The following CYLD variants were observed in gnomAD, a reference collection of about 807,000 sequenced individuals.
CYLD encodes CYLD lysine 63 deubiquitinase.
In CYLD, 26 loss-of-function variants were observed where a neutral mutation model predicts 104.5. That is an observed-to-expected ratio of 0.25 (90% CI 0.18 to 0.35). CYLD has a LOEUF of 0.35. Ranked by LOEUF, CYLD falls within the 10% of genes least tolerant of loss-of-function variation. The probability of loss-of-function intolerance (pLI) is 1.00; values close to 1 mark genes in which losing one functional copy is unlikely to be tolerated. For missense variants in CYLD, 703 were observed against 1,136.1 expected (o/e 0.62, Z 5.48); for synonymous variants, 385 against 399.9 (o/e 0.96, Z 0.45).
rs190938800 is a variant in CYLD, at chr16:50,756,514, A to G, written c.913+2090A>G. ...AGCAATCTTTTATTTTGCCTCTAAC[A>G]AGTAGCACCTAGTGTCTGCTGTCAG... is the stretch of plus-strand genomic sequence containing the variant. On this transcript the variant is annotated intron_variant, in intron 5 of 18. Transcript: ENST00000427738. Among the ~76,000 whole-genome samples the G allele has an allele frequency of 7.2e-5, 11 of 152,336 alleles. No individual in the cohort carries two copies. In the East Asian group the frequency reaches 1.3e-3, roughly 19 times the overall value.
chr16:50,754,435 T>A lies in CYLD; in HGVS notation c.913+11T>A. The A allele has an allele frequency of 6.4e-7, 1 of 1,561,900 alleles. No homozygotes were observed. Among genetic ancestry groups the A allele is most frequent in the Non-Finnish European group, 8.8e-7 (1 of 1,134,728 alleles). On this transcript the variant is annotated intron_variant, in intron 5 of 18. Transcript: ENST00000427738. ...ATGATATCATCCCAGGTATGTTTTCTTTGTTTTATACATTTATAAGGCAAA... is the reference window on the plus strand; with the variant it reads ...ATGATATCATCCCAGGTATGTTTTCATTGTTTTATACATTTATAAGGCAAA...
intron 12 of CYLD, chr16:50,784,655 CAT>C: frequency 1.9e-6 from 1 of 527,724 alleles, no homozygotes; most frequent in Non-Finnish European, 3.4e-6. Context: ...AGGTGTAGAA[CAT>C]AGCATATTCC....
intron 4 of CYLD, among the ~76,000 whole-genome samples, chr16:50,753,061 C>T (rs1370287934): frequency 6.6e-6 from 1 of 152,138 alleles, no homozygotes; most frequent in Admixed American, 6.6e-5. Context: ...TTTATCTGCT[C>T]AGGTATACTT....
At chr16:50,786,529 G>A (rs984977387) in intron 12 of CYLD, 110 of 264,976 alleles carry the variant, frequency 4.2e-4, no homozygotes, top group Non-Finnish European at 4.4e-5. Flanking sequence ...GGAGGCCGAG[G>A]TGGGCGGATC....
rs963432647 is a variant in CYLD, at chr16:50,797,582, C to A, written c.*1074C>A. The A allele has an allele frequency of 1.3e-5, 3 of 232,400 alleles. No individual in the cohort carries two copies. The highest frequency in any genetic ancestry group is 2.6e-5 in the Non-Finnish European group (3 of 117,574). The allele number at this position is 232,400 out of a possible 1,614,324, so 14.4% of individuals were successfully genotyped here. ...AGAAATGGGATGTTTTGTTTAATAA[C>A]AGCCATAGTGTGTGTTTAGACCACA... On this transcript the variant is annotated 3_prime_UTR_variant, in exon 19 of 19. Transcript: ENST00000427738.
rs117526077 is a variant in CYLD, at chr16:50,765,048, A to T, written c.914-10118A>T. Among the ~76,000 whole-genome samples, 8 of 152,360 alleles carry T rather than the reference A, an allele frequency of 5.3e-5. No individual in the cohort carries two copies. The East Asian group carries it at 1.4e-3, about 26-fold the overall frequency. ...ATGCTAATATTGTTTTTCCCAGAGT[A>T]ACATGGCTAAATGTAATTTCACTTG... is the stretch of plus-strand genomic sequence containing the variant. On this transcript the variant is annotated intron_variant, in intron 5 of 18. Transcript: ENST00000427738.
At chr16:50,793,514 T>G in intron 16 of CYLD, 32 bp from the exon 17 acceptor site, 3 of 1,430,724 alleles carry the variant, frequency 2.1e-6, no homozygotes, top group Non-Finnish European at 3.0e-6. Flanking sequence ...TTTAAAGTCC[T>G]CTTAACTTCC....
chr16:50,779,621 C>A (rs750006487), intron 8 of CYLD, 44 bp from the exon 9 acceptor site: 1 of 1,596,674 alleles, frequency 6.3e-7, no homozygotes. Context: ...AAGACAGAGT[C>A]AATATCCTTG....
intron 5 of CYLD, among the ~76,000 whole-genome samples, chr16:50,761,345 TGTAA>T (rs1305850929): frequency 6.6e-6 from 1 of 152,226 alleles, no homozygotes; most frequent in Non-Finnish European, 1.5e-5. Flanking sequence ...TATAATTCAG[TGTAA>T]GTATGTTTAC....
intron 2 of CYLD, 22 bp downstream of exon 2, chr16:50,742,863 C>A (rs900864960): frequency 3.4e-6 from 1 of 293,178 alleles, no homozygotes; most frequent in African/African-American, 3.1e-5. Flanking sequence ...TTATGTTTTT[C>A]TTTCATGTTA....
chr16:50,767,536 T>C (rs1968653229), intron 5 of CYLD, among the ~76,000 whole-genome samples: 1 of 152,078 alleles, frequency 6.6e-6, no homozygotes, highest in African/African-American at 2.4e-5. Flanking sequence ...AAAAGCATTT[T>C]AGATTGAAAG....
At chr16:50,742,282 C>A (rs1054397985) in intron 1 of CYLD, 158 bp downstream of exon 1, 1 of 150,960 alleles carries the variant, frequency 6.6e-6, no homozygotes. Context: ...AGCCGCCTGG[C>A]CTCAGGGCGT....
chr16:50,756,991 T>C (rs1967319949), intron 5 of CYLD, among the ~76,000 whole-genome samples: 2 of 152,160 alleles, frequency 1.3e-5, no homozygotes, highest in Non-Finnish European at 2.9e-5. Flanking sequence ...TACTTCTCAG[T>C]CTCACATGTA....
At chr16:50,761,166 T>A (rs1031182373) in intron 5 of CYLD, among the ~76,000 whole-genome samples, 2 of 152,214 alleles carry the variant, frequency 1.3e-5, no homozygotes, top group African/African-American at 4.8e-5. Context: ...CTTCATGTGT[T>A]AGGGTGGCAA....
rs1400536626 is a variant in CYLD, at chr16:50,799,540, T to C, written c.*3032T>C. ...TAAGGATTTTCTCCTTAGAATAATTTAGGATTTTTAAAAATTTCTGTTTGC... is the reference window on the plus strand; with the variant it reads ...TAAGGATTTTCTCCTTAGAATAATTCAGGATTTTTAAAAATTTCTGTTTGC... On this transcript the variant is annotated 3_prime_UTR_variant, in exon 19 of 19. Transcript: ENST00000427738. 4.3e-6 allele frequency: 1 copy of C among 233,618 alleles called. No individual in the cohort carries two copies. The highest frequency in any genetic ancestry group is 5.6e-5 in the Admixed American group (1 of 17,782). The allele number at this position is 233,618 out of a possible 1,614,324, so 14.5% of individuals were successfully genotyped here.
rs1966643155 is a variant in CYLD, at chr16:50,751,781, C to A, written c.682C>A (p.Pro228Thr). The stretch of plus-strand genomic sequence containing the variant: ...TGGGGACACAATGCAGGTCGAACTT[C>A]CTCCTTTGGAAATAAACTCCAGAGT... ...GPGDTMQVEL[P>T]PLEINSRVSL... Residue 228 changes from proline to threonine, a missense_variant, in exon 4 of 19, where the codon CCT (proline) becomes ACT (threonine). By Grantham distance (38) the Pro-to-Thr change is conservative. This residue lies in a region of CYLD where 123 missense variants were observed against 213.3 expected (regional missense o/e 0.58). Transcript: ENST00000427738. The A allele has an allele frequency of 4.3e-6, 7 of 1,613,564 alleles. No homozygotes were observed. The highest frequency in any genetic ancestry group is 1.3e-5 in the African/African-American group (1 of 74,834).
intron 3 of CYLD, among the ~76,000 whole-genome samples, chr16:50,750,924 A>G (rs1167105311): frequency 6.6e-6 from 1 of 152,212 alleles, no homozygotes; most frequent in Non-Finnish European, 1.5e-5. Flanking sequence ...CTTAGAATTT[A>G]TTTCTACCGG....
At chr16:50,789,348 A>G (rs1259817048) in intron 14 of CYLD, among the ~76,000 whole-genome samples, 1 of 152,264 alleles carries the variant, frequency 6.6e-6, no homozygotes, top group Non-Finnish European at 1.5e-5. Flanking sequence ...GATAAATTTC[A>G]GATGCTTAAA....
chr16:50,745,542 C>T (rs972406217), intron 2 of CYLD, among the ~76,000 whole-genome samples: 32 of 151,390 alleles, frequency 2.1e-4, no homozygotes, highest in African/African-American at 7.8e-4. Flanking sequence ...CCACACCCGG[C>T]TAATTTTCTT....
Sources: gnomAD v4.1 joint callset for allele counts (sites outside exome capture counted in the v4.1 genomes callset) on GRCh38, gnomAD v4.1.1 for gene constraint, gnomAD v4.1.1 regional missense constraint, MANE v1.5 for transcripts, NCBI Gene and HGNC (gene_info 2026-07-23, HGNC 2026-07-21) for gene names.